SPEF2: variants seen among roughly 807,000 people sequenced by gnomAD.
SPEF2 encodes sperm flagella and cilia-associated protein 2.
A neutral mutation model predicts 224.6 loss-of-function variants in SPEF2; 187 were observed. That is an observed-to-expected ratio of 0.83 (90% CI 0.74 to 0.94). The LOEUF is 0.94. Among genes scored for constraint, SPEF2 ranks in the 40% least tolerant of loss-of-function variants. The pLI is 0.00. For synonymous variants in SPEF2, 715 were observed against 707.3 expected, an observed-to-expected ratio of 1.01 and a Z score of -0.17; for missense variants, 2,170 against 2,135.6, an observed-to-expected ratio of 1.02 and a Z score of -0.32.
At chr5:35,655,190 G>A (rs1465892483) in intron 7 of SPEF2, among the ~76,000 whole-genome samples, 1 of 152,136 alleles carries the variant, frequency 6.6e-6, no homozygotes, top group East Asian at 1.9e-4. Context: ...CACCAGCATT[G>A]CTTGGGACTT....
At chr5:35,783,894 A>G (rs1265976878) in intron 30 of SPEF2, among the ~76,000 whole-genome samples, 1 of 152,200 alleles carries the variant, frequency 6.6e-6, no homozygotes. Context: ...CACTTAAGCC[A>G]TAAGAACTCT....
chr5:35,807,073 T>A, intron 35 of SPEF2, 58 bp from the exon 36 acceptor site: 1 of 1,571,280 alleles, frequency 6.4e-7, no homozygotes, highest in Non-Finnish European at 8.6e-7. Context: ...ACAACCATTT[T>A]TTTTAACATC....
chr5:35,737,217 A>AT (rs1194766214), intron 21 of SPEF2, among the ~76,000 whole-genome samples: 1 of 151,698 alleles, frequency 6.6e-6, no homozygotes, highest in African/African-American at 2.4e-5. Flanking sequence ...CTCTCTTATG[A>AT]TTTTTTTTAT....
chr5:35,777,888 G>T (rs141215510), intron 29 of SPEF2, among the ~76,000 whole-genome samples: 1 of 151,986 alleles, frequency 6.6e-6, no homozygotes. Flanking sequence ...GTATCGTGCC[G>T]GGCTATGGTT....
Position 35,691,831 on chromosome 5 carries a change from C to T in SPEF2, c.1744+575C>T, listed in dbSNP as rs114085411. On this transcript the variant is annotated intron_variant, in intron 11 of 36. Coordinates refer to ENST00000356031, the MANE Select transcript of SPEF2 (RefSeq NM_024867.4). ...TTTATTTTTTCGAGACAGAGTCTCG[C>T]TCTGTTGGCCCAGGATGAAGTGCAG... Among the ~76,000 whole-genome samples the T allele has an allele frequency of 8.9e-3, 1,361 of 152,134 alleles. 16 individuals are homozygous for T. The highest frequency in any genetic ancestry group is 0.032 in the African/African-American group (1,324 of 41,508).
intron 13 of SPEF2, among the ~76,000 whole-genome samples, chr5:35,695,030 T>A (rs1267892180): frequency 6.6e-6 from 1 of 152,196 alleles, no homozygotes; most frequent in African/African-American, 2.4e-5. Flanking sequence ...GCTCCTCCTG[T>A]GCTATCATTA....
intron 30 of SPEF2, chr5:35,789,038 A>G: frequency 1.5e-6 from 1 of 685,528 alleles, no homozygotes; most frequent in Non-Finnish European, 2.7e-6. Flanking sequence ...CTCAGTAAGT[A>G]ATTTTGAAAT....
At chr5:35,733,813 C>G (rs780804698) in intron 21 of SPEF2, among the ~76,000 whole-genome samples, 1 of 151,792 alleles carries the variant, frequency 6.6e-6, no homozygotes, top group Non-Finnish European at 1.5e-5. Context: ...TGGATTGTGA[C>G]TGGTCTATGT....
chr5:35,625,598 G>A (rs957111289), intron 1 of SPEF2, among the ~76,000 whole-genome samples: 16 of 152,200 alleles, frequency 1.1e-4, no homozygotes, highest in Non-Finnish European at 1.2e-4. Flanking sequence ...CCCTGATGGC[G>A]TAGGAATAGA....
intron 20 of SPEF2, among the ~76,000 whole-genome samples, chr5:35,726,700 T>A (rs1222127101): frequency 6.6e-6 from 1 of 152,200 alleles, no homozygotes; most frequent in African/African-American, 2.4e-5. Context: ...AAGAAAGTGC[T>A]CCTGGTTCTA....
intron 5 of SPEF2, 118 bp downstream of exon 5, chr5:35,646,925 C>T (rs1281816224): frequency 1.8e-6 from 2 of 1,090,270 alleles, no homozygotes; most frequent in Non-Finnish European, 2.6e-6. Context: ...TTATCTCTGA[C>T]CTTGTCCTTT....
chr5:35,667,675 T>C (rs895310307), intron 9 of SPEF2, among the ~76,000 whole-genome samples: 26 of 152,214 alleles, frequency 1.7e-4, no homozygotes, highest in African/African-American at 6.3e-4. Flanking sequence ...AAGACAAAAC[T>C]TTATAAGTTG....
intron 10 of SPEF2, chr5:35,670,809 G>A (rs1751138294): frequency 1.0e-6 from 1 of 979,118 alleles, no homozygotes; most frequent in Non-Finnish European, 1.2e-6. Context: ...TGTGACCTTA[G>A]GTGACCAGTT....
chr5:35,740,936 A>C (rs2149693387), intron 23 of SPEF2, among the ~76,000 whole-genome samples: 1 of 152,346 alleles, frequency 6.6e-6, no homozygotes, highest in South Asian at 2.1e-4. Flanking sequence ...CACTACCTTA[A>C]GTATAGATTA....
intron 18 of SPEF2, among the ~76,000 whole-genome samples, chr5:35,706,155 G>A (rs1205802503): frequency 6.6e-6 from 1 of 151,678 alleles, no homozygotes; most frequent in Non-Finnish European, 1.5e-5. Flanking sequence ...ATATTTTTAA[G>A]TAAAAAATAA....
intron 20 of SPEF2, among the ~76,000 whole-genome samples, chr5:35,725,204 T>C (rs970874073): frequency 4.0e-4 from 61 of 152,266 alleles, no homozygotes; most frequent in Middle Eastern, 6.8e-3. Context: ...TTTAAGACAC[T>C]CTAAATCTCC....
intron 7 of SPEF2, among the ~76,000 whole-genome samples, chr5:35,655,066 T>G (rs1162503015): frequency 1.3e-5 from 2 of 152,186 alleles, no homozygotes; most frequent in Non-Finnish European, 2.9e-5. Flanking sequence ...ATTGTTACTT[T>G]TAGAGGAAAA....
chr5:35,683,422 C>T (rs1373368076), intron 10 of SPEF2, among the ~76,000 whole-genome samples: 3 of 152,030 alleles, frequency 2.0e-5, no homozygotes, highest in Non-Finnish European at 2.9e-5. Context: ...TTCAGGAGTT[C>T]GAGACCAGCC....
chr5:35,725,126 C>T (rs546098904), intron 20 of SPEF2, among the ~76,000 whole-genome samples: 5 of 152,314 alleles, frequency 3.3e-5, no homozygotes, highest in East Asian at 3.9e-4. Context: ...TGCCTAACAC[C>T]GGACCTCTTC....
Sources: gnomAD v4.1 joint callset for allele counts (sites outside exome capture counted in the v4.1 genomes callset) on GRCh38, gnomAD v4.1.1 for gene constraint, MANE v1.5 for transcripts, NCBI Gene and HGNC (gene_info 2026-07-23, HGNC 2026-07-21) for gene names.